The following PCDHA6 variants were observed in gnomAD, a reference collection of about 807,000 sequenced individuals.
PCDHA6 encodes the protein protocadherin alpha 6.
A neutral mutation model predicts 60.3 loss-of-function variants in PCDHA6; 55 were observed. That is an observed-to-expected ratio of 0.91 (90% CI 0.73 to 1.14). The LOEUF (loss-of-function observed/expected upper bound fraction) is 1.14, where lower values mean the gene tolerates loss of function less well. Ranked by LOEUF, PCDHA6 falls within the 50% of genes most tolerant of loss-of-function variation. PCDHA6 has a pLI of 0.00. For synonymous variants in PCDHA6, 652 were observed against 557.9 expected, an observed-to-expected ratio of 1.17 and a Z score of -2.38; for missense variants, 1,327 against 1,256.5, an observed-to-expected ratio of 1.06 and a Z score of -0.85.
At chr5:140,905,802 C>T (rs1043410620) in intron 1 of PCDHA6, among the ~76,000 whole-genome samples, 11 of 152,152 alleles carry the variant, frequency 7.2e-5, no homozygotes, top group African/African-American at 2.7e-4. Flanking sequence ...TCTAGAGGGA[C>T]AGAATTAATA....
chr5:140,836,018 G>A (rs1480987765), intron 1 of PCDHA6: 2 of 1,613,364 alleles, frequency 1.2e-6, no homozygotes, highest in Non-Finnish European at 1.7e-6. Context: ...TGCCGCCTCT[G>A]GGCAGCAACG....
intron 1 of PCDHA6, chr5:140,850,322 C>T (rs2150479524): frequency 2.5e-6 from 4 of 1,597,492 alleles, no homozygotes; most frequent in Non-Finnish European, 3.4e-6. Flanking sequence ...GGCTTTCATA[C>T]GAGCTGCAGC....
intron 1 of PCDHA6, chr5:140,859,639 T>G (rs1419564799): frequency 6.3e-6 from 1 of 159,542 alleles, no homozygotes; most frequent in Non-Finnish European, 1.4e-5. Flanking sequence ...GAGATTGAAT[T>G]TGTTACTCAG....
At position 140,942,589 on chromosome 5, in the gene PCDHA6, T is replaced by A. The variant is rs1444015331; in HGVS notation, c.2395-36360T>A. On this transcript the variant is annotated intron_variant, in intron 1 of 3. Coordinates refer to ENST00000529310, the MANE Select transcript of PCDHA6 (RefSeq NM_018909.4). ...AAATCTTCCCATATAGGATGTCACA[T>A]ATAATTATAGTGTTTATATTTGCCA... Among the ~76,000 whole-genome samples, 4 of 148,934 alleles carry A rather than the reference T, an allele frequency of 2.7e-5. No homozygotes were observed. In the Admixed American group the frequency reaches 2.7e-4, roughly 10 times the overall value.
chr5:140,995,794 CAT>C (rs1407600046), intron 3 of PCDHA6, among the ~76,000 whole-genome samples: 65 of 152,208 alleles, frequency 4.3e-4, no homozygotes, highest in African/African-American at 1.5e-3. Flanking sequence ...AAATTTGTCT[CAT>C]GTTAGTTTCT....
chr5:140,902,465 T>C (rs535908878), intron 1 of PCDHA6, among the ~76,000 whole-genome samples: 4 of 152,280 alleles, frequency 2.6e-5, no homozygotes, highest in Non-Finnish European at 4.4e-5. Flanking sequence ...AGAAAAGGCT[T>C]TGAGTTTTTG....
At chr5:140,926,139 C>A (rs1434952263) in intron 1 of PCDHA6, among the ~76,000 whole-genome samples, 11 of 152,088 alleles carry the variant, frequency 7.2e-5, no homozygotes, top group Non-Finnish European at 1.5e-4. Flanking sequence ...GCAGCAGGAT[C>A]CAGCGCGGAA....
At chr5:140,895,636 T>C (rs1554186575) in intron 1 of PCDHA6, among the ~76,000 whole-genome samples, 1 of 152,178 alleles carries the variant, frequency 6.6e-6, no homozygotes, top group Non-Finnish European at 1.5e-5. Context: ...TTTCACATTC[T>C]TTTTTAGCTC....
intron 1 of PCDHA6, chr5:140,967,360 G>A: frequency 1.2e-6 from 2 of 1,607,656 alleles, no homozygotes; most frequent in South Asian, 1.1e-5. Context: ...TGGACCTTAA[G>A]CCCCTGCAGG....
chr5:140,852,582 ATT>A (rs527656692), intron 1 of PCDHA6: 197 of 691,142 alleles, frequency 2.9e-4, no homozygotes, highest in Middle Eastern at 7.5e-4. Context: ...AGGCTTTTTT[ATT>A]TTTTTTTTTT....
At chr5:140,925,383 T>C (rs1554202722) in intron 1 of PCDHA6, among the ~76,000 whole-genome samples, 2 of 152,140 alleles carry the variant, frequency 1.3e-5, no homozygotes, top group African/African-American at 2.4e-5. Flanking sequence ...TCAATGAGTC[T>C]CCTTTTGGCT....
chr5:140,836,669 G>T (rs142732506), intron 1 of PCDHA6: 1 of 1,613,470 alleles, frequency 6.2e-7, no homozygotes, highest in African/African-American at 1.3e-5. Context: ...GCTCTGGGGA[G>T]GGCCCACCCA....
At chr5:140,877,924 A>T in intron 1 of PCDHA6, 1 of 1,419,290 alleles carries the variant, frequency 7.0e-7, no homozygotes, top group Non-Finnish European at 9.3e-7. Flanking sequence ...ATTTTTCTTT[A>T]TGATTCTATC....
At chr5:140,884,519 T>G in intron 1 of PCDHA6, 1 of 1,614,042 alleles carries the variant, frequency 6.2e-7, no homozygotes, top group Non-Finnish European at 8.5e-7. Context: ...TTGGTCGTAC[T>G]CGCAGCAGAG....
In PCDHA6 at chr5:140,830,374, G is replaced by A. The variant is rs150255684; in HGVS notation, c.2283G>A (p.Gly761=). 1.2e-3 allele frequency: 1,975 copies of A among 1,614,156 alleles called. 3 individuals are homozygous for A. The highest frequency in any genetic ancestry group is 1.6e-3 in the Non-Finnish European group (1,872 of 1,180,020). Residue 761 remains glycine (G), a synonymous_variant, in exon 1 of 4, where the codon GGG becomes GGA. Transcript: ENST00000529310. ...AGAGGCGGCAGAGGGTGTGCTCCGG[G>A]GAGGGCCCACCCAAGATGGATCTCA... The part of the protein sequence containing the change: ...SQQRRQRVCS[G]EGPPKMDLMA...
At chr5:140,990,114 A>G (rs1392233617) in intron 3 of PCDHA6, among the ~76,000 whole-genome samples, 9 of 151,936 alleles carry the variant, frequency 5.9e-5, no homozygotes, top group Admixed American at 4.6e-4. Flanking sequence ...GGAAATTGAG[A>G]GCTCTGTAGA....
chr5:140,957,763 T>C (rs1375605810), intron 1 of PCDHA6, among the ~76,000 whole-genome samples: 1 of 152,100 alleles, frequency 6.6e-6, no homozygotes, highest in Non-Finnish European at 1.5e-5. Context: ...TCATTATATA[T>C]GTTAAGTAAA....
At position 140,928,325 on chromosome 5, in the gene PCDHA6, G is replaced by A. The variant is rs1432328240; in HGVS notation, c.2395-50624G>A. 3.1e-6 allele frequency: 5 copies of A among 1,614,020 alleles called. No homozygotes were observed. The African/African-American group carries it at 6.7e-5, about 22-fold the overall frequency. ...CAGGACCCCGACCTGGGGAAGAATGGCCTTGTCTCTTATGAGCTGTTGGAT... is the reference window on the plus strand; with the variant it reads ...CAGGACCCCGACCTGGGGAAGAATGACCTTGTCTCTTATGAGCTGTTGGAT... On this transcript the variant is annotated intron_variant, in intron 1 of 3. Transcript: ENST00000529310.
chr5:140,965,229 C>A (rs1554227498), intron 1 of PCDHA6, among the ~76,000 whole-genome samples: 1 of 152,124 alleles, frequency 6.6e-6, no homozygotes, highest in Non-Finnish European at 1.5e-5. Context: ...AATGTGAGAA[C>A]CTGGGAAGAG....
Sources: gnomAD v4.1 joint callset for allele counts (sites outside exome capture counted in the v4.1 genomes callset) on GRCh38, gnomAD v4.1.1 for gene constraint, MANE v1.5 for transcripts, NCBI Gene and HGNC (gene_info 2026-07-23, HGNC 2026-07-21) for gene names.